The following PAG1 variants were observed in gnomAD, a reference collection of about 807,000 sequenced individuals.
The protein encoded by PAG1 is phosphoprotein membrane anchor with glycosphingolipid microdomains 1.
In PAG1, 23 loss-of-function variants were observed where a neutral mutation model predicts 31.7. The ratio of observed to expected loss-of-function variants is 0.73; its 90% confidence interval spans 0.52 to 1.03. The LOEUF (loss-of-function observed/expected upper bound fraction) is 1.03, where lower values mean the gene tolerates loss of function less well. PAG1 is among the 50% of genes least tolerant of loss of function. The pLI, the probability that PAG1 is intolerant of heterozygous loss-of-function variation, is 0.00. For missense variants in PAG1, 473 were observed against 540.7 expected, an observed-to-expected ratio of 0.87 and a Z score of 1.24; for synonymous variants, 214 against 210.3, an observed-to-expected ratio of 1.02 and a Z score of -0.15.
In PAG1 at chr8:80,985,382, A is replaced by G. The variant is rs772231283; in HGVS notation, c.275-5T>C. On this transcript the variant is annotated splice_polypyrimidine_tract_variant and splice_region_variant and intron_variant, in intron 6 of 8. Coordinates refer to ENST00000220597, the MANE Select transcript of PAG1 (RefSeq NM_018440.4). ...GAGTACTGTCCTCTGAAAGAACTAA[A>G]GCAGCACACACATTAAAAGCGGAGA... is the stretch of plus-strand genomic sequence containing the variant. 4 of 1,602,194 alleles carry G rather than the reference A, an allele frequency of 2.5e-6. No individual in the cohort carries two copies. In the African/African-American group the frequency reaches 5.4e-5, roughly 21 times the overall value.
intron 2 of PAG1, among the ~76,000 whole-genome samples, chr8:81,068,271 T>C (rs978031256): frequency 1.3e-5 from 2 of 152,184 alleles, no homozygotes; most frequent in African/African-American, 2.4e-5. Flanking sequence ...CACAGGCACA[T>C]TGGAAGCCTG....
chr8:80,983,408 G>A (rs1807347673), intron 7 of PAG1, among the ~76,000 whole-genome samples: 1 of 152,170 alleles, frequency 6.6e-6, no homozygotes, highest in Non-Finnish European at 1.5e-5. Flanking sequence ...CCACTAAGAT[G>A]TAAGTTCCAC....
chr8:81,065,380 T>C (rs1020673198), intron 2 of PAG1, among the ~76,000 whole-genome samples: 4 of 152,166 alleles, frequency 2.6e-5, no homozygotes, highest in South Asian at 2.1e-4. Context: ...AGAGTCCTGA[T>C]GTATGGAAGT....
At chr8:81,103,369 T>C (rs1004713315) in intron 1 of PAG1, among the ~76,000 whole-genome samples, 8 of 152,140 alleles carry the variant, frequency 5.3e-5, no homozygotes, top group African/African-American at 1.7e-4. Flanking sequence ...GATGGAGTGG[T>C]ACGAACCCAG....
Position 81,087,248 on chromosome 8 carries a change from C to A in PAG1, c.-233-17078G>T, listed in dbSNP as rs980675410. 3.3e-5 allele frequency among the ~76,000 whole-genome samples: 5 copies of A among 149,604 alleles called. No individual in the cohort carries two copies. In the South Asian group the frequency reaches 1.0e-3, roughly 31 times the overall value. ...ATCCCAGCTATTCTGGAGGCTGAGGCAGGAGAATCGCTTGAACCCAGGAGG... is the reference window on the plus strand; with the variant it reads ...ATCCCAGCTATTCTGGAGGCTGAGGAAGGAGAATCGCTTGAACCCAGGAGG... On this transcript the variant is annotated intron_variant, in intron 1 of 8. Transcript: ENST00000220597.
At chr8:81,092,064 A>C (rs1367652246) in intron 1 of PAG1, among the ~76,000 whole-genome samples, 1 of 151,618 alleles carries the variant, frequency 6.6e-6, no homozygotes, top group Non-Finnish European at 1.5e-5. Context: ...GAATAAAAGT[A>C]AATCCAGGCT....
intron 3 of PAG1, among the ~76,000 whole-genome samples, chr8:81,005,174 A>T (rs531784777): frequency 1.3e-4 from 20 of 152,316 alleles, no homozygotes; most frequent in African/African-American, 4.6e-4. Context: ...GGCCTTGTGC[A>T]TCTGAGAGAG....
chr8:81,006,655 C>G (rs1807882733), intron 3 of PAG1, among the ~76,000 whole-genome samples: 1 of 152,026 alleles, frequency 6.6e-6, no homozygotes, highest in African/African-American at 2.4e-5. Flanking sequence ...CACTGTCTTC[C>G]TCGAGATTTT....
At chr8:81,107,886 G>A (rs973037668) in intron 1 of PAG1, among the ~76,000 whole-genome samples, 13 of 152,212 alleles carry the variant, frequency 8.5e-5, no homozygotes, top group Admixed American at 6.5e-4. Context: ...CATGAGGCAG[G>A]AGCTCTGGAA....
chr8:81,008,402 T>C (rs1294489753), intron 3 of PAG1, among the ~76,000 whole-genome samples: 1 of 151,998 alleles, frequency 6.6e-6, no homozygotes, highest in Non-Finnish European at 1.5e-5. Context: ...TAAGGTGTTC[T>C]GCAGTAGCCA....
intron 3 of PAG1, among the ~76,000 whole-genome samples, chr8:81,014,497 G>A (rs2130693985): frequency 6.6e-6 from 1 of 152,318 alleles, no homozygotes; most frequent in South Asian, 2.1e-4. Context: ...GAAAGCCAAA[G>A]CAACACCATC....
chr8:81,039,255 C>A (rs1433526652), intron 2 of PAG1: 1 of 152,150 alleles, frequency 6.6e-6, no homozygotes, highest in Admixed American at 6.5e-5. Context: ...CAGAATGTGA[C>A]CTTACTTGGA....
chr8:81,010,092 C>A (rs1807954809), intron 3 of PAG1, among the ~76,000 whole-genome samples: 2 of 152,212 alleles, frequency 1.3e-5, no homozygotes, highest in South Asian at 4.1e-4. Context: ...TCTTAACTAG[C>A]AGATGCTATT....
intron 3 of PAG1, among the ~76,000 whole-genome samples, chr8:80,996,897 T>C (rs1422738385): frequency 6.6e-6 from 1 of 152,146 alleles, no homozygotes; most frequent in Non-Finnish European, 1.5e-5. Context: ...GGAGGCATAG[T>C]GTATGGATAG....
chr8:81,084,251 C>T (rs984856741), intron 1 of PAG1, among the ~76,000 whole-genome samples: 1 of 152,140 alleles, frequency 6.6e-6, no homozygotes, highest in African/African-American at 2.4e-5. Context: ...AGTATGTCTA[C>T]TCCATGTTCC....
At chr8:80,985,475 TG>T in intron 6 of PAG1, 98 bp from the exon 7 acceptor site, 1 of 1,263,872 alleles carries the variant, frequency 7.9e-7, no homozygotes, top group Non-Finnish European at 1.1e-6. Flanking sequence ...TCAAGATGCG[TG>T]CTTTTTATTT....
intron 2 of PAG1, among the ~76,000 whole-genome samples, chr8:81,041,228 C>T (rs1808549674): frequency 6.6e-6 from 1 of 152,018 alleles, no homozygotes; most frequent in African/African-American, 2.4e-5. Context: ...ACAGGTGTTG[C>T]CATGGTAACT....
intron 3 of PAG1, among the ~76,000 whole-genome samples, chr8:81,020,864 A>C (rs542082552): frequency 6.6e-6 from 1 of 152,378 alleles, no homozygotes; most frequent in East Asian, 1.9e-4. Flanking sequence ...CTGTAATCAC[A>C]AATGGACCTC....
rs3824264 is a variant in PAG1 at position 80,972,245 on chromosome 8, G to C, written c.*4299C>G. ...ACCTACTGTGCTTCCAGCAGCCAAA[G>C]CTAAGCTGGCTGGGTACCAGAAATC... On this transcript the variant is annotated 3_prime_UTR_variant, in exon 9 of 9. Coordinates refer to ENST00000220597, the MANE Select transcript of PAG1 (RefSeq NM_018440.4). 20,679 of 152,120 alleles carry C rather than the reference G, an allele frequency of 0.14. 1,694 individuals carry two copies. Among genetic ancestry groups the C allele is most frequent in the South Asian group, 0.23 (1,109 of 4,818 alleles). The allele number at this position is 152,120 out of a possible 1,614,324, so 9.4% of individuals were successfully genotyped here.
Sources: gnomAD v4.1 joint callset for allele counts (sites outside exome capture counted in the v4.1 genomes callset) on GRCh38, gnomAD v4.1.1 for gene constraint, MANE v1.5 for transcripts, NCBI Gene and HGNC (gene_info 2026-07-23, HGNC 2026-07-21) for gene names.